The following CEP97 variants were observed in gnomAD, a reference collection of about 807,000 sequenced individuals.
The protein encoded by CEP97 is centrosomal protein of 97 kDa.
CEP97 carries 43 observed loss-of-function variants against 73.1 expected under a neutral mutation model. The observed-to-expected ratio is 0.59, with a 90% CI of 0.46 to 0.76. The LOEUF (loss-of-function observed/expected upper bound fraction) is 0.76. CEP97 is among the 30% of genes least tolerant of loss of function. CEP97 has a pLI of 0.00. For synonymous variants in CEP97, 337 were observed against 370.0 expected (o/e 0.91, Z 1.02); for missense variants, 939 against 1,014.0 (o/e 0.93, Z 1.00).
At chr3:101,752,920 T>C (rs1261030540) in intron 6 of CEP97, among the ~76,000 whole-genome samples, 3 of 152,232 alleles carry the variant, frequency 2.0e-5, no homozygotes, top group Admixed American at 1.3e-4. Flanking sequence ...CGTCCAGCTT[T>C]GTTCCGTTGC....
At chr3:101,727,728 A>G (rs1324800884) in intron 3 of CEP97, among the ~76,000 whole-genome samples, 187 bp downstream of exon 3, 1 of 152,244 alleles carries the variant, frequency 6.6e-6, no homozygotes, top group Non-Finnish European at 1.5e-5. Context: ...TTTAAATTTG[A>G]ACAAAGAATC....
chr3:101,735,822 G>C (rs575418016), intron 6 of CEP97, among the ~76,000 whole-genome samples: 2 of 152,128 alleles, frequency 1.3e-5, no homozygotes, highest in Non-Finnish European at 2.9e-5. Context: ...TATCCCAGTG[G>C]CGCCTGGAAC....
Position 101,769,125 on chromosome 3 carries a change from T to C in CEP97, c.*3574T>C, listed in dbSNP as rs774500423. 2.3e-4 allele frequency: 35 copies of C among 152,176 alleles called. No individual in the cohort carries two copies. The highest frequency in any genetic ancestry group is 4.3e-4 in the Non-Finnish European group (29 of 68,032). 9.4% of individuals were successfully genotyped at this position (152,176 alleles called of 1,614,324 possible). The stretch of plus-strand genomic sequence containing the variant: ...GTCTAGTTCTACTTTTTCCCAATAA[T>C]TTCAGGAAAATACAAGCTTGAGATA... On this transcript the variant is annotated 3_prime_UTR_variant, in exon 11 of 11. Coordinates refer to ENST00000341893, the MANE Select transcript of CEP97 (RefSeq NM_024548.4).
At chr3:101,735,445 A>G (rs1379322936) in intron 6 of CEP97, among the ~76,000 whole-genome samples, 2 of 152,196 alleles carry the variant, frequency 1.3e-5, no homozygotes, top group African/African-American at 4.8e-5. Flanking sequence ...TGCAGCTCCC[A>G]GTGAGATTAG....
In CEP97 at chr3:101,732,661, A is replaced by G. The variant is rs769011071; in HGVS notation, c.728+7A>G. 10 of 1,596,820 alleles carry G rather than the reference A, an allele frequency of 6.3e-6. No individual in the cohort carries two copies. The highest frequency in any genetic ancestry group is 1.3e-5 in the African/African-American group (1 of 74,532). On this transcript the variant is annotated splice_region_variant and intron_variant, in intron 6 of 10. Transcript: ENST00000341893. ...TGATTTCTCAGAAGGAAAGGTAAAC[A>G]TGTGCTCTTTAACATCACAAATGTT...
chr3:101,758,465 A>G (rs758712742), intron 9 of CEP97, 42 bp downstream of exon 9: 1 of 1,604,688 alleles, frequency 6.2e-7, no homozygotes, highest in Non-Finnish European at 8.5e-7. Context: ...TGTTGGTTTG[A>G]GGGTGTTAGA....
chr3:101,735,865 A>T (rs980796375), intron 6 of CEP97, among the ~76,000 whole-genome samples: 2 of 152,138 alleles, frequency 1.3e-5, no homozygotes, highest in Non-Finnish European at 2.9e-5. Flanking sequence ...CTCCTCTGGA[A>T]AGGGGGCTGA....
chr3:101,744,250 C>G (rs908712325), intron 6 of CEP97, among the ~76,000 whole-genome samples: 3 of 151,438 alleles, frequency 2.0e-5, no homozygotes, highest in African/African-American at 7.3e-5. Context: ...TTCATAATAG[C>G]ACATCAGCCT....
chr3:101,753,619 C>T (rs1163034956), intron 6 of CEP97, among the ~76,000 whole-genome samples: 1 of 152,212 alleles, frequency 6.6e-6, no homozygotes, highest in Admixed American at 6.5e-5. Context: ...GGGCGCCCCT[C>T]CCCCAGCCTT....
intron 10 of CEP97, chr3:101,763,055 A>G (rs1413165936): frequency 2.4e-6 from 3 of 1,236,318 alleles, no homozygotes; most frequent in Non-Finnish European, 3.1e-6. Context: ...ATACTTCTTG[A>G]TGATAATTTC....
intron 9 of CEP97, among the ~76,000 whole-genome samples, chr3:101,761,422 C>T (rs983391854): frequency 1.3e-5 from 2 of 152,124 alleles, no homozygotes; most frequent in African/African-American, 4.8e-5. Flanking sequence ...ATGTTGAGGT[C>T]TCCAAAAACG....
Position 101,727,517 on chromosome 3 carries a change from G to A in CEP97, c.321G>A (p.Leu107=). Residue 107 remains leucine, a synonymous_variant, in exon 3 of 11, where the codon CTG becomes CTA. Coordinates refer to ENST00000341893, the MANE Select transcript of CEP97 (RefSeq NM_024548.4). ...AGGAACTAGTACATCTGGAATGGCTGAATTTGGCAGGAAATAATCTTAAGG... is the reference window on the plus strand; with the variant it reads ...AGGAACTAGTACATCTGGAATGGCTAAATTTGGCAGGAAATAATCTTAAGG... ...GLKELVHLEW[L]NLAGNNLKAM... is the part of the protein sequence containing the mutation. 6.2e-7 allele frequency: 1 copy of A among 1,610,520 alleles called. No homozygotes were observed. The highest frequency in any genetic ancestry group is 8.5e-7 in the Non-Finnish European group (1 of 1,178,570).
chr3:101,736,740 A>T (rs1478121294), intron 6 of CEP97, among the ~76,000 whole-genome samples: 1 of 152,240 alleles, frequency 6.6e-6, no homozygotes. Context: ...AAGATGAGGA[A>T]AAACCAGTGC....
chr3:101,744,474 T>A (rs1224636034), intron 6 of CEP97, among the ~76,000 whole-genome samples: 1 of 151,750 alleles, frequency 6.6e-6, no homozygotes, highest in Non-Finnish European at 1.5e-5. Context: ...TTCCAGCTAC[T>A]TGGGAGGCTG....
Position 101,769,749 on chromosome 3 carries a change from C to T in CEP97, c.*4198C>T, listed in dbSNP as rs756767534. ...TGTTTTAAATGTTAAATATATGATA[C>T]CCTCATTCATGAAGTGAAGCAGAAA... On this transcript the variant is annotated 3_prime_UTR_variant, in exon 11 of 11. Transcript: ENST00000341893. The T allele has an allele frequency of 5.3e-5, 8 of 152,074 alleles. No individual in the cohort carries two copies. The highest frequency in any genetic ancestry group is 1.0e-4 in the Non-Finnish European group (7 of 68,022). The allele number at this position is 152,074 out of a possible 1,614,324, so 9.4% of individuals were successfully genotyped here.
At chr3:101,727,860 G>C (rs989668998) in intron 3 of CEP97, among the ~76,000 whole-genome samples, 1 of 152,164 alleles carries the variant, frequency 6.6e-6, no homozygotes, top group African/African-American at 2.4e-5. Flanking sequence ...AGTTTTAAAA[G>C]TTAGGAGATC....
intron 6 of CEP97, among the ~76,000 whole-genome samples, chr3:101,747,787 C>T (rs567288842): frequency 2.7e-4 from 41 of 150,570 alleles, no homozygotes; most frequent in African/African-American, 9.7e-4. Flanking sequence ...TAAACAGTTC[C>T]TTCACTTTCA....
At chr3:101,726,829 C>G (rs1316238266) in intron 2 of CEP97, 93 bp downstream of exon 2, 3 of 909,172 alleles carry the variant, frequency 3.3e-6, no homozygotes, top group African/African-American at 1.7e-5. Context: ...CTGTGCAGCC[C>G]TAGCAAGCAG....
At chr3:101,741,871 C>G (rs1312715103) in intron 6 of CEP97, among the ~76,000 whole-genome samples, 1 of 151,938 alleles carries the variant, frequency 6.6e-6, no homozygotes, top group East Asian at 1.9e-4. Flanking sequence ...GAAACCCCAT[C>G]TCTACTAAAA....
Sources: gnomAD v4.1 joint callset for allele counts (sites outside exome capture counted in the v4.1 genomes callset) on GRCh38, gnomAD v4.1.1 for gene constraint, MANE v1.5 for transcripts, NCBI Gene and HGNC (gene_info 2026-07-23, HGNC 2026-07-21) for gene names.